The following ZRANB3 variants were observed in gnomAD, a reference collection of about 807,000 sequenced individuals.
ZRANB3 encodes DNA annealing helicase and endonuclease ZRANB3.
In ZRANB3, 125 loss-of-function variants were observed where a neutral mutation model predicts 133.8. The observed-to-expected ratio is 0.93, with a 90% CI of 0.81 to 1.08. The LOEUF is 1.08. Among genes scored for constraint, ZRANB3 ranks in the 50% least tolerant of loss-of-function variants. The pLI is 0.00. For synonymous variants in ZRANB3, 387 were observed against 432.7 expected (o/e 0.89, Z 1.31); for missense variants, 1,229 against 1,275.5 (o/e 0.96, Z 0.56).
At chr2:135,257,705 G>A (rs1679729828) in intron 12 of ZRANB3, among the ~76,000 whole-genome samples, 2 of 152,150 alleles carry the variant, frequency 1.3e-5, no homozygotes. Flanking sequence ...ATCTTTGAAT[G>A]TCCTGTATGT....
chr2:135,390,624 A>ACATT (rs1040426845), intron 3 of ZRANB3, among the ~76,000 whole-genome samples, 178 bp downstream of exon 3: 1 of 151,920 alleles, frequency 6.6e-6, no homozygotes, highest in African/African-American at 2.4e-5. Context: ...ACACACACAC[A>ACATT]CATTCATTCA....
chr2:135,464,315 A>G (rs748102621), intron 2 of ZRANB3, among the ~76,000 whole-genome samples: 1 of 152,110 alleles, frequency 6.6e-6, no homozygotes, highest in Non-Finnish European at 1.5e-5. Context: ...AGAGCCCTCA[A>G]TGTTTTCAGA....
intron 6 of ZRANB3, among the ~76,000 whole-genome samples, chr2:135,339,829 T>A (rs1444190408): frequency 1.3e-5 from 2 of 152,214 alleles, no homozygotes; most frequent in Non-Finnish European, 2.9e-5. Context: ...CACATCTTTC[T>A]CAGTCGCTGA....
At chr2:135,234,640 C>A (rs1395749245) in intron 12 of ZRANB3, among the ~76,000 whole-genome samples, 2 of 152,188 alleles carry the variant, frequency 1.3e-5, no homozygotes, top group African/African-American at 2.4e-5. Context: ...GAAACTCACT[C>A]AAAACCGCAT....
intron 12 of ZRANB3, among the ~76,000 whole-genome samples, chr2:135,232,981 A>G (rs1695105388): frequency 1.3e-5 from 2 of 152,058 alleles, no homozygotes; most frequent in African/African-American, 4.8e-5. Context: ...GGCTTCCGAC[A>G]ATCAAACTAT....
At chr2:135,260,902 T>C (rs1246371944) in intron 12 of ZRANB3, among the ~76,000 whole-genome samples, 1 of 146,248 alleles carries the variant, frequency 6.8e-6, no homozygotes, top group East Asian at 1.9e-4. Context: ...TTGACATATA[T>C]ATTGTATACT....
intron 8 of ZRANB3, among the ~76,000 whole-genome samples, chr2:135,294,946 A>G (rs1030592760): frequency 6.6e-6 from 1 of 152,144 alleles, no homozygotes; most frequent in African/African-American, 2.4e-5. Flanking sequence ...GTTTGATTGC[A>G]GTGTGGTCTG....
chr2:135,348,912 G>T (rs1481824847), intron 5 of ZRANB3, among the ~76,000 whole-genome samples: 4 of 152,100 alleles, frequency 2.6e-5, no homozygotes, highest in Non-Finnish European at 5.9e-5. Context: ...GGACTCAGTA[G>T]GACTGAGTAT....
At chr2:135,508,808 T>C (rs1360712719) in intron 1 of ZRANB3, among the ~76,000 whole-genome samples, 1 of 152,138 alleles carries the variant, frequency 6.6e-6, no homozygotes, top group African/African-American at 2.4e-5. Context: ...GTTTAATTGC[T>C]ACAAAAAGTC....
chr2:135,477,062 TATC>T (rs1474903912), intron 2 of ZRANB3, among the ~76,000 whole-genome samples: 14 of 152,304 alleles, frequency 9.2e-5, no homozygotes, highest in Non-Finnish European at 8.8e-5. Context: ...TTTAAACTCT[TATC>T]ATATTTGCTT....
At chr2:135,516,776 CT>C (rs1224958911) in intron 1 of ZRANB3, among the ~76,000 whole-genome samples, 4 of 152,120 alleles carry the variant, frequency 2.6e-5, no homozygotes, top group Non-Finnish European at 5.9e-5. Context: ...CAAGGAGCAT[CT>C]TTGTGGTGTT....
At chr2:135,239,065 C>A (rs987340963) in intron 12 of ZRANB3, among the ~76,000 whole-genome samples, 18 of 152,002 alleles carry the variant, frequency 1.2e-4, no homozygotes, top group South Asian at 8.3e-4. Flanking sequence ...AGTTTTGGAG[C>A]AATTTGTTAT....
intron 19 of ZRANB3, among the ~76,000 whole-genome samples, chr2:135,206,703 A>C (rs1479456519): frequency 6.9e-6 from 1 of 144,280 alleles, no homozygotes; most frequent in Non-Finnish European, 1.5e-5. Context: ...GAGAAAAGGA[A>C]GGAAGGGAGG....
At chr2:135,307,848 C>A (rs1380201440) in intron 8 of ZRANB3, among the ~76,000 whole-genome samples, 1 of 152,158 alleles carries the variant, frequency 6.6e-6, no homozygotes, top group African/African-American at 2.4e-5. Context: ...CTTTGGAGCA[C>A]CATGAACCTC....
intron 15 of ZRANB3, 69 bp downstream of exon 15, chr2:135,224,357 T>C (rs1397661793): frequency 2.5e-6 from 3 of 1,191,270 alleles, no homozygotes; most frequent in Non-Finnish European, 3.5e-6. Context: ...AAATTAAGTA[T>C]CTCCACTGAA....
At chr2:135,255,256 C>T (rs1679597247) in intron 12 of ZRANB3, among the ~76,000 whole-genome samples, 2 of 151,658 alleles carry the variant, frequency 1.3e-5, no homozygotes, top group Non-Finnish European at 2.9e-5. Flanking sequence ...CAAAACAAAA[C>T]AACACACACA....
At chr2:135,472,934 A>G (rs1051337385) in intron 2 of ZRANB3, among the ~76,000 whole-genome samples, 1 of 152,232 alleles carries the variant, frequency 6.6e-6, no homozygotes, top group Non-Finnish European at 1.5e-5. Context: ...CTAGCATATA[A>G]TATGTGCTTT....
chr2:135,231,330 T>C (rs1402214871), intron 12 of ZRANB3, among the ~76,000 whole-genome samples: 1 of 152,068 alleles, frequency 6.6e-6, no homozygotes, highest in Non-Finnish European at 1.5e-5. Flanking sequence ...TAAATATATG[T>C]CACGGAAAAA....
At chr2:135,274,872 C>G (rs1045032423) in intron 9 of ZRANB3, among the ~76,000 whole-genome samples, 2 of 152,196 alleles carry the variant, frequency 1.3e-5, no homozygotes, top group Non-Finnish European at 2.9e-5. Flanking sequence ...CAAAGCACAT[C>G]TTGCACCACG....
Sources: allele counts gnomAD v4.1 joint callset (sites outside exome capture counted in the v4.1 genomes callset), GRCh38; gene constraint gnomAD v4.1.1; transcripts MANE v1.5; gene names NCBI Gene and HGNC (gene_info 2026-07-23, HGNC 2026-07-21).